The following RUBCN variants were observed in gnomAD, a reference collection of about 807,000 sequenced individuals.
The protein encoded by RUBCN is rubicon autophagy regulator.
RUBCN carries 74 observed loss-of-function variants against 113.2 expected under a neutral mutation model. The ratio of observed to expected loss-of-function variants is 0.65; its 90% CI spans 0.54 to 0.79. The LOEUF (loss-of-function observed/expected upper bound fraction) is 0.79. Ranked by LOEUF, RUBCN falls within the 30% of genes least tolerant of loss-of-function variation. RUBCN has a pLI of 0.00. For synonymous variants in RUBCN, 480 were observed against 490.0 expected (o/e 0.98, Z 0.27); for missense variants, 1,109 against 1,251.7 (o/e 0.89, Z 1.72).
In RUBCN at chr3:197,693,705, C is replaced by CA; in HGVS notation, c.1786+9dup. 6.3e-7 allele frequency: 1 copy of CA among 1,575,190 alleles called. No homozygotes were observed. Among genetic ancestry groups the CA allele is most frequent in the Non-Finnish European group, 8.7e-7 (1 of 1,144,526 alleles). ...TAAAAGTTCCCTTGTAACAAAGTGT[C>CA]ACTTCTTACCTTGGATTTCAAATTC... On this transcript the variant is annotated intron_variant, in intron 11 of 19. Transcript: ENST00000296343.
Position 197,722,837 on chromosome 3 carries a change from T to C in RUBCN, c.66-4707A>G, listed in dbSNP as rs904871956. 1.8e-4 allele frequency among the ~76,000 whole-genome samples: 28 copies of C among 152,166 alleles called. 1 individual carries two copies. The highest frequency in any genetic ancestry group is 1.6e-3 in the Admixed American group (25 of 15,278). On this transcript the variant is annotated intron_variant, in intron 1 of 19. Transcript: ENST00000296343. ...ATCTTTTTCCATCCCTTTAAGTCTA[T>C]GTATGTCCTCACATGTGAAGTGAGA...
chr3:197,680,162 A>G (rs1431215971), intron 16 of RUBCN, among the ~76,000 whole-genome samples: 2 of 106,390 alleles, frequency 1.9e-5, no homozygotes, highest in Non-Finnish European at 3.8e-5. Flanking sequence ...AGACTGTCCT[A>G]CGCTCTGACA....
upstream of RUBCN, chr3:197,736,936 C>G (rs1463075624): frequency 1.7e-5 from 23 of 1,339,544 alleles, no homozygotes; most frequent in East Asian, 6.3e-5. Context: ...CTACAGCCCC[C>G]GGCGAGCACT....
rs959525388 is a variant in RUBCN at position 197,671,011 on chromosome 3, T to TTTTTG, written c.*4002_*4006dup. On this transcript the variant is annotated 3_prime_UTR_variant, in exon 20 of 20. Transcript: ENST00000296343. The stretch of plus-strand genomic sequence containing the variant: ...CTCATGCCACAGTGTGCTGGTGCTT[T>TTTTTG]TTTTGTTTTGTTTTGTTTTTTTGAG... Among the ~76,000 whole-genome samples the TTTTTG allele has an allele frequency of 1.3e-5, 2 of 152,038 alleles. No individual in the cohort carries two copies. The highest frequency in any genetic ancestry group is 6.6e-5 in the Admixed American group (1 of 15,252).
rs1719708320 is a variant in RUBCN, at chr3:197,670,738, T to C, written c.*4280A>G. On this transcript the variant is annotated 3_prime_UTR_variant, in exon 20 of 20. Coordinates refer to ENST00000296343, the MANE Select transcript of RUBCN (RefSeq NM_014687.4). ...GATTTTTAAATATGTAGGGTGTGTTTACAGCATATAAATATCATCTTATCT... is the reference window on the plus strand; with the variant it reads ...GATTTTTAAATATGTAGGGTGTGTTCACAGCATATAAATATCATCTTATCT... Among the ~76,000 whole-genome samples the C allele has an allele frequency of 6.6e-6, 1 of 152,262 alleles. No homozygotes were observed. The highest frequency in any genetic ancestry group is 2.1e-4 in the South Asian group (1 of 4,834).
chr3:197,713,669 C>A (rs537292501), intron 2 of RUBCN, among the ~76,000 whole-genome samples: 8 of 152,056 alleles, frequency 5.3e-5, no homozygotes, highest in African/African-American at 1.9e-4. Flanking sequence ...CTGCTGAACC[C>A]TGAGGTGGGG....
intron 4 of RUBCN, among the ~76,000 whole-genome samples, chr3:197,704,036 C>T (rs779234453): frequency 6.6e-6 from 1 of 152,022 alleles, no homozygotes; most frequent in Non-Finnish European, 1.5e-5. Context: ...TGTGTGTGGC[C>T]GTAGGGGACG....
intron 11 of RUBCN, among the ~76,000 whole-genome samples, chr3:197,688,411 G>A (rs1375517427): frequency 1.3e-5 from 2 of 152,156 alleles, no homozygotes; most frequent in Non-Finnish European, 2.9e-5. Context: ...GGCTTCTCCT[G>A]TGTACTCTTG....
At chr3:197,707,977 T>A (rs548958507) in intron 2 of RUBCN, among the ~76,000 whole-genome samples, 4,549 of 146,230 alleles carry the variant, frequency 0.031, 88 homozygotes, top group African/African-American at 0.045. Flanking sequence ...AAAAAAAAAA[T>A]AATAATAATG....
At position 197,701,730 on chromosome 3, in the gene RUBCN, T is replaced by C. The variant is rs1723698340; in HGVS notation, c.705A>G (p.Gln235=). Residue 235 remains glutamine, a synonymous_variant, in exon 6 of 20, where the codon CAA becomes CAG. Transcript: ENST00000296343. The part of the protein sequence containing the change: ...SYFGSFSSLH[Q]SVPNNGSERR... ...TACCTGAGCCATTGTTGGGCACGGA[T>C]TGGTGGAGGCTAGAGAAGGACCCAA... 1.9e-6 allele frequency: 3 copies of C among 1,613,892 alleles called. No homozygotes were observed. The highest frequency in any genetic ancestry group is 1.3e-5 in the African/African-American group (1 of 74,898).
chr3:197,702,550 C>G (rs1345591661), intron 5 of RUBCN, among the ~76,000 whole-genome samples: 1 of 152,146 alleles, frequency 6.6e-6, no homozygotes, highest in Non-Finnish European at 1.5e-5. Context: ...GTAATCCCAG[C>G]TACTCGGGAG....
In RUBCN at chr3:197,727,911, G is replaced by A. The variant is rs910739135; in HGVS notation, c.65+8744C>T. On this transcript the variant is annotated intron_variant, in intron 1 of 19. Coordinates refer to ENST00000296343, the MANE Select transcript of RUBCN (RefSeq NM_014687.4). The stretch of plus-strand genomic sequence containing the variant: ...AACACCACTTTAATAGCAATGGCAC[G>A]GGAGGAAAGACAAAGTGTTTCAGTC... 4.6e-5 allele frequency among the ~76,000 whole-genome samples: 7 copies of A among 152,250 alleles called. No individual in the cohort carries two copies. In the East Asian group the frequency reaches 5.8e-4, roughly 13 times the overall value.
In RUBCN at chr3:197,701,776, C is replaced by G; in HGVS notation, c.659G>C (p.Ser220Thr). ...LPSSTYTPPN[S>T]YAQHSYFGSF... is the part of the protein sequence containing the mutation. ...CCCAAAGTAGGAATGCTGAGCATAG[C>G]TGTTTGGAGGGGTGTATGTGGAACT... The change falls in exon 6 of 20, where the codon AGC becomes ACC. Residue 220 changes from serine to threonine, a missense_variant. This residue lies in a region of RUBCN where 736 missense variants were observed against 779.6 expected (regional missense o/e 0.94). Transcript: ENST00000296343. 6.2e-7 allele frequency: 1 copy of G among 1,614,064 alleles called. No homozygotes were observed. Among genetic ancestry groups the G allele is most frequent in the Non-Finnish European group, 8.5e-7 (1 of 1,179,942 alleles).
At position 197,704,546 on chromosome 3, in the gene RUBCN, G is replaced by A; in HGVS notation, c.459C>T (p.Tyr153=). 1 of 1,614,178 alleles carries A rather than the reference G, an allele frequency of 6.2e-7. No individual in the cohort carries two copies. Among genetic ancestry groups the A allele is most frequent in the South Asian group, 1.1e-5 (1 of 91,076 alleles). The change falls in exon 4 of 20, where the codon TAC becomes TAT. Residue 153 remains tyrosine (Y), a synonymous_variant. Transcript: ENST00000296343. The part of the protein sequence containing the change: ...LGDRQYIRKF[Y]TDAAFLLSDA... ...TCCTAAGTGGCCTCTACCTACCTGT[G>A]TAGAATTTTCTGATATACTGTCTAT...
chr3:197,705,195 A>C lies in RUBCN; in HGVS notation c.220-20T>G, dbSNP rs753311677. 2.4e-5 allele frequency: 38 copies of C among 1,607,480 alleles called. No homozygotes were observed. The highest frequency in any genetic ancestry group is 3.3e-5 in the Admixed American group (2 of 59,988). Reference sequence around the variant, plus strand: ...GCACGCCTGCAAAGGGAACACATACAATGAGCAAATCACGACCATTCTGGA... The same window carrying C: ...GCACGCCTGCAAAGGGAACACATACCATGAGCAAATCACGACCATTCTGGA... On this transcript the variant is annotated intron_variant, in intron 2 of 19. Coordinates refer to ENST00000296343, the MANE Select transcript of RUBCN (RefSeq NM_014687.4).
intron 5 of RUBCN, 140 bp downstream of exon 5, chr3:197,703,397 CAAAAAAAAAAA>C (rs1165064210): frequency 0.011 from 1,763 of 155,336 alleles, no homozygotes; most frequent in South Asian, 0.019. Context: ...GACTCTGTCT[CAAAAAAAAAAA>C]AAAAAAAAAA....
chr3:197,721,756 A>T (rs924475010), intron 1 of RUBCN, among the ~76,000 whole-genome samples: 2 of 152,114 alleles, frequency 1.3e-5, no homozygotes, highest in Non-Finnish European at 2.9e-5. Context: ...CTACTTTTGC[A>T]GTATCCCACT....
rs201373464 is a variant in RUBCN at position 197,694,590 on chromosome 3, C to A, written c.1474-5G>T. Reference sequence around the variant, plus strand: ...GATGCTGAAGTGGGCATTCTCCTGGCGGAAGGAGAGCACCAAACAGGCAAA... The same window carrying A: ...GATGCTGAAGTGGGCATTCTCCTGGAGGAAGGAGAGCACCAAACAGGCAAA... On this transcript the variant is annotated splice_polypyrimidine_tract_variant and splice_region_variant and intron_variant, in intron 9 of 19. Transcript: ENST00000296343. 30 of 1,613,070 alleles carry A rather than the reference C, an allele frequency of 1.9e-5. No individual in the cohort carries two copies. The highest frequency in any genetic ancestry group is 1.2e-4 in the Admixed American group (7 of 60,000).
chr3:197,698,279 C>G (rs1014229378), intron 7 of RUBCN, among the ~76,000 whole-genome samples: 2 of 152,248 alleles, frequency 1.3e-5, no homozygotes, highest in African/African-American at 4.8e-5. Flanking sequence ...TCCTCTTTAA[C>G]CATCTGTTTT....
Sources: allele counts gnomAD v4.1 joint callset (sites outside exome capture counted in the v4.1 genomes callset), GRCh38; gene constraint gnomAD v4.1.1; regional missense constraint gnomAD v4.1.1; transcripts MANE v1.5; gene names NCBI Gene and HGNC (gene_info 2026-07-23, HGNC 2026-07-21).